Variants in MAN2A1 observed in about 807,000 individuals in gnomAD.
The protein encoded by MAN2A1 is alpha-mannosidase 2.
Under a neutral mutation model 142.6 loss-of-function variants are expected in MAN2A1, and 76 were observed. The ratio of observed to expected loss-of-function variants is 0.53; its 90% CI spans 0.44 to 0.65. MAN2A1 has a LOEUF of 0.65. MAN2A1 is among the 30% of genes least tolerant of loss of function. The pLI is 0.00. For missense variants in MAN2A1, 1,311 were observed against 1,365.1 expected (o/e 0.96, Z 0.62); for synonymous variants, 559 against 473.2 (o/e 1.18, Z -2.35).
intron 16 of MAN2A1, among the ~76,000 whole-genome samples, chr5:109,834,620 G>A (rs1357006346): frequency 6.6e-6 from 1 of 151,988 alleles, no homozygotes; most frequent in Non-Finnish European, 1.5e-5. Context: ...TGAAATGAAA[G>A]GCATAAAGTA....
chr5:109,830,622 C>A (rs1020977607), intron 16 of MAN2A1, among the ~76,000 whole-genome samples: 1 of 152,156 alleles, frequency 6.6e-6, no homozygotes, highest in Non-Finnish European at 1.5e-5. Context: ...TGCAATCAAT[C>A]TCTCATTTTT....
At chr5:109,787,257 G>A (rs924151233) in intron 10 of MAN2A1, among the ~76,000 whole-genome samples, 9 of 152,022 alleles carry the variant, frequency 5.9e-5, no homozygotes, top group African/African-American at 2.2e-4. Context: ...GGAACACAGG[G>A]TGAGCGTGAG....
At chr5:109,724,508 AC>A (rs1751690565) in intron 3 of MAN2A1, among the ~76,000 whole-genome samples, 1 of 152,198 alleles carries the variant, frequency 6.6e-6, no homozygotes. Context: ...AATATTTATC[AC>A]ATTGAAATGG....
intron 16 of MAN2A1, among the ~76,000 whole-genome samples, chr5:109,833,020 C>T (rs1754962317): frequency 6.6e-6 from 1 of 151,762 alleles, no homozygotes. Flanking sequence ...AGGCGCTCCT[C>T]ACATCCCAGA....
At chr5:109,805,241 A>G (rs1455755950) in intron 12 of MAN2A1, among the ~76,000 whole-genome samples, 1 of 152,216 alleles carries the variant, frequency 6.6e-6, no homozygotes, top group African/African-American at 2.4e-5. Context: ...CTTTAATATC[A>G]AAAGTTTTAG....
chr5:109,799,870 C>T (rs921878170), intron 12 of MAN2A1, among the ~76,000 whole-genome samples: 1 of 152,018 alleles, frequency 6.6e-6, no homozygotes, highest in African/African-American at 2.4e-5. Context: ...GGTGGATCCC[C>T]TGAGGTCAGG....
chr5:109,820,034 C>T (rs538279854), intron 14 of MAN2A1, 147 bp downstream of exon 14: 3 of 785,656 alleles, frequency 3.8e-6, no homozygotes, highest in African/African-American at 1.7e-5. Flanking sequence ...CTTTTTGCAC[C>T]TTCATTGACC....
At chr5:109,863,966 T>C (rs1357305136) in intron 20 of MAN2A1, 1 of 152,190 alleles carries the variant, frequency 6.6e-6, no homozygotes, top group Admixed American at 6.5e-5. Flanking sequence ...CAGCCAAGAC[T>C]CTGAGGTGAG....
At chr5:109,806,245 C>T (rs556661365) in intron 12 of MAN2A1, among the ~76,000 whole-genome samples, 100 of 152,288 alleles carry the variant, frequency 6.6e-4, no homozygotes, top group Non-Finnish European at 1.2e-3. Flanking sequence ...AGGTCACCTT[C>T]CCTGTCTCTG....
At chr5:109,863,767 A>G (rs1300227623) in intron 20 of MAN2A1, 2 of 152,216 alleles carry the variant, frequency 1.3e-5, no homozygotes, top group Non-Finnish European at 2.9e-5. Flanking sequence ...TTTATAGTAC[A>G]TGGGCAGGGT....
At chr5:109,713,425 C>G (rs941370283) in intron 1 of MAN2A1, 95 bp from the exon 2 acceptor site, 1 of 1,079,290 alleles carries the variant, frequency 9.3e-7, no homozygotes, top group Admixed American at 2.5e-5. Context: ...TGGCTGCCCT[C>G]GTAGGCAACC....
chr5:109,697,127 G>A lies in MAN2A1; in HGVS notation c.135+6575G>A, dbSNP rs976174182. ...CACTTATCCAGATTTATTCCTCTTA[G>A]CATAGGAAGATAAGATATATTGATT... On this transcript the variant is annotated intron_variant, in intron 1 of 21. Coordinates refer to ENST00000261483, the MANE Select transcript of MAN2A1 (RefSeq NM_002372.4). Among the ~76,000 whole-genome samples the A allele has an allele frequency of 1.1e-4, 17 of 152,314 alleles. No homozygotes were observed. In the East Asian group the frequency reaches 3.1e-3, roughly 28 times the overall value.
At chr5:109,799,607 A>T (rs1753960109) in intron 12 of MAN2A1, among the ~76,000 whole-genome samples, 1 of 151,874 alleles carries the variant, frequency 6.6e-6, no homozygotes. Context: ...ATACAAAATT[A>T]GCTGCGCATG....
chr5:109,738,065 GT>G (rs1448840615), intron 4 of MAN2A1, among the ~76,000 whole-genome samples: 1 of 152,044 alleles, frequency 6.6e-6, no homozygotes, highest in Non-Finnish European at 1.5e-5. Context: ...TTCATCTAAT[GT>G]TTCTTGGAGA....
chr5:109,747,628 A>G (rs1040101806), intron 4 of MAN2A1, among the ~76,000 whole-genome samples: 31 of 152,150 alleles, frequency 2.0e-4, no homozygotes, highest in Non-Finnish European at 4.4e-4. Flanking sequence ...TTGACTGACA[A>G]TATAATCAAC....
chr5:109,766,829 T>C (rs1753005595), intron 5 of MAN2A1, among the ~76,000 whole-genome samples: 1 of 152,174 alleles, frequency 6.6e-6, no homozygotes, highest in South Asian at 2.1e-4. Flanking sequence ...ACCAGTACAT[T>C]TATTATCTTT....
At chr5:109,780,970 C>T (rs971334141) in intron 8 of MAN2A1, among the ~76,000 whole-genome samples, 7 of 152,158 alleles carry the variant, frequency 4.6e-5, no homozygotes, top group African/African-American at 1.7e-4. Flanking sequence ...AATTATTCTT[C>T]TAGACTTTAT....
At chr5:109,705,046 C>A (rs1751091520) in intron 1 of MAN2A1, among the ~76,000 whole-genome samples, 1 of 152,112 alleles carries the variant, frequency 6.6e-6, no homozygotes, top group South Asian at 2.1e-4. Context: ...TCTGTCTCCT[C>A]CCCAGTAACT....
At chr5:109,802,728 T>C (rs1172095447) in intron 12 of MAN2A1, among the ~76,000 whole-genome samples, 1 of 152,126 alleles carries the variant, frequency 6.6e-6, no homozygotes, top group Non-Finnish European at 1.5e-5. Flanking sequence ...TCTCTAAACA[T>C]GTAGGTATTT....
Sources: allele counts gnomAD v4.1 joint callset (sites outside exome capture counted in the v4.1 genomes callset), GRCh38; gene constraint gnomAD v4.1.1; transcripts MANE v1.5; gene names NCBI Gene and HGNC (gene_info 2026-07-23, HGNC 2026-07-21).